The following MID1 variants were observed in gnomAD, a reference collection of about 807,000 sequenced individuals.
MID1 encodes E3 ubiquitin-protein ligase Midline-1.
MID1 carries 7 observed loss-of-function variants against 40.4 expected under a neutral mutation model. That is an observed-to-expected ratio of 0.17 (90% CI 0.10 to 0.33). The LOEUF is 0.33. Ranked by LOEUF, MID1 falls within the 10% of genes least tolerant of loss-of-function variation. MID1 has a pLI of 1.00. For synonymous variants in MID1, 229 were observed against 221.2 expected (o/e 1.04, Z -0.31); for missense variants, 367 against 558.5 (o/e 0.66, Z 3.46).
intron 3 of MID1, chrX:10,505,270 T>C (rs777173399): frequency 9.7e-6 from 6 of 615,741 alleles, no homozygotes; most frequent in Non-Finnish European, 1.2e-5. Flanking sequence ...CCTTCTGTAA[T>C]GTTTTTCCTA....
intron 1 of MID1, among the ~76,000 whole-genome samples, chrX:10,675,056 G>A (rs1012037040): frequency 8.9e-6 from 1 of 111,776 alleles, no homozygotes; most frequent in Non-Finnish European, 1.9e-5. Flanking sequence ...GAAATAAATG[G>A]CATGCATTTT....
At chrX:10,472,940 T>C (rs1327331578) in intron 6 of MID1, among the ~76,000 whole-genome samples, 1 of 112,377 alleles carries the variant, frequency 8.9e-6, no homozygotes, top group Non-Finnish European at 1.9e-5. Flanking sequence ...TCACTGCTAG[T>C]TGGATTTTTT....
At chrX:10,584,571 G>A (rs767021682) in intron 1 of MID1, among the ~76,000 whole-genome samples, 7 of 112,320 alleles carry the variant, frequency 6.2e-5, no homozygotes, top group African/African-American at 1.9e-4. Context: ...CTTTATGACC[G>A]GTGAGCACCA....
intron 7 of MID1, among the ~76,000 whole-genome samples, chrX:10,465,258 C>CACACACACAT (rs1929320008): frequency 2.1e-5 from 2 of 96,474 alleles, no homozygotes; most frequent in African/African-American, 7.8e-5. Flanking sequence ...CACACACACA[C>CACACACACAT]ACATACATAT....
intron 1 of MID1, among the ~76,000 whole-genome samples, chrX:10,805,221 T>TC (rs2044036192): frequency 1.9e-5 from 1 of 53,982 alleles, no homozygotes; most frequent in Admixed American, 2.3e-4. Context: ...CGCTCCCCCC[T>TC]CCCCCCACCC....
At chrX:10,554,538 A>C (rs901757164) in intron 2 of MID1, among the ~76,000 whole-genome samples, 2 of 112,020 alleles carry the variant, frequency 1.8e-5, no homozygotes, top group Admixed American at 1.9e-4. Flanking sequence ...TATGGGGTAC[A>C]TGTGATATTT....
intron 3 of MID1, among the ~76,000 whole-genome samples, chrX:10,517,202 T>A (rs770659465): frequency 9.0e-6 from 1 of 110,858 alleles, no homozygotes; most frequent in Non-Finnish European, 1.9e-5. Flanking sequence ...GTGCTGTGAG[T>A]TTTTTTTAGC....
chrX:10,785,208 C>T (rs1261655316), intron 1 of MID1, among the ~76,000 whole-genome samples: 1 of 110,900 alleles, frequency 9.0e-6, no homozygotes, highest in Non-Finnish European at 1.9e-5. Flanking sequence ...AGTGAACTCC[C>T]ATTCACAATT....
chrX:10,714,204 C>T (rs976693278), intron 1 of MID1, among the ~76,000 whole-genome samples: 1 of 112,451 alleles, frequency 8.9e-6, no homozygotes, highest in Non-Finnish European at 1.9e-5. Context: ...TAAAAGAAAA[C>T]AAAAATACAA....
At chrX:10,471,900 T>TC (rs1929729940) in intron 6 of MID1, among the ~76,000 whole-genome samples, 1 of 112,118 alleles carries the variant, frequency 8.9e-6, no homozygotes, top group Non-Finnish European at 1.9e-5. Flanking sequence ...GAAGGAAATG[T>TC]CACCTCTATG....
chrX:10,585,178 C>G (rs1935111981), intron 1 of MID1, among the ~76,000 whole-genome samples: 1 of 111,459 alleles, frequency 9.0e-6, no homozygotes, highest in Non-Finnish European at 1.9e-5. Flanking sequence ...GGTTTCACGT[C>G]TGGTTGCTAG....
At chrX:10,595,695 G>A (rs994862390) in intron 1 of MID1, among the ~76,000 whole-genome samples, 1 of 111,348 alleles carries the variant, frequency 9.0e-6, no homozygotes, top group African/African-American at 3.3e-5. Flanking sequence ...GGTAGAGATT[G>A]GTCAATAGGT....
chrX:10,621,216 GA>G (rs200089276), upstream of MID1, among the ~76,000 whole-genome samples: 12 of 106,787 alleles, frequency 1.1e-4, no homozygotes, highest in South Asian at 4.0e-4. Flanking sequence ...ATTTTGTTCA[GA>G]AAAAAAAAAA....
chrX:10,540,623 G>A (rs1001902514), intron 2 of MID1, among the ~76,000 whole-genome samples: 6 of 111,162 alleles, frequency 5.4e-5, no homozygotes, highest in African/African-American at 2.0e-4. Context: ...TGCATAATGA[G>A]GATCTCATCC....
chrX:10,644,408 C>T (rs969338855), intron 1 of MID1, among the ~76,000 whole-genome samples: 8 of 110,655 alleles, frequency 7.2e-5, no homozygotes, highest in African/African-American at 2.0e-4. Context: ...TTTTATCCGT[C>T]CCTAGGATCT....
At chrX:10,601,082 G>A (rs916987048) in intron 1 of MID1, among the ~76,000 whole-genome samples, 11 of 112,429 alleles carry the variant, frequency 9.8e-5, no homozygotes, top group African/African-American at 3.6e-4. Flanking sequence ...GGTCTTATTA[G>A]CTGATGCTTC....
intron 1 of MID1, among the ~76,000 whole-genome samples, chrX:10,805,469 A>G (rs1360853634): frequency 9.3e-6 from 1 of 107,300 alleles, no homozygotes; most frequent in Non-Finnish European, 1.9e-5. Flanking sequence ...CCAGTCTATC[A>G]TTGTTGGACA....
chrX:10,700,531 C>T (rs1324794791), intron 1 of MID1, among the ~76,000 whole-genome samples: 1 of 110,983 alleles, frequency 9.0e-6, no homozygotes, highest in Non-Finnish European at 1.9e-5. Context: ...CCAGCCTGGG[C>T]AACACAGTGA....
At chrX:10,583,923 C>A (rs758863945) in intron 1 of MID1, among the ~76,000 whole-genome samples, 2 of 109,501 alleles carry the variant, frequency 1.8e-5, no homozygotes, top group East Asian at 2.9e-4. Context: ...CCCAGCTACT[C>A]GGGAGGCTGA....
Sources: allele counts gnomAD v4.1 joint callset (sites outside exome capture counted in the v4.1 genomes callset), GRCh38; gene constraint gnomAD v4.1.1; transcripts MANE v1.5; gene names NCBI Gene and HGNC (gene_info 2026-07-23, HGNC 2026-07-21).